NTRK2: variants seen among roughly 807,000 people sequenced by gnomAD.
NTRK2 encodes neurotrophic receptor tyrosine kinase 2.
A neutral mutation model predicts 94.5 loss-of-function variants in NTRK2; 13 were observed. The observed-to-expected ratio is 0.14, with a 90% confidence interval of 0.09 to 0.22. The LOEUF is 0.22. Ranked by LOEUF, NTRK2 falls within the 10% of genes least tolerant of loss-of-function variation. The pLI, the probability that NTRK2 is intolerant of heterozygous loss-of-function variation, is 1.00. For synonymous variants in NTRK2, 372 were observed against 407.4 expected (o/e 0.91, Z 1.05); for missense variants, 639 against 1,071.2 (o/e 0.60, Z 5.63).
chr9:84,816,374 C>T (rs1382084362), intron 12 of NTRK2, among the ~76,000 whole-genome samples: 4 of 152,050 alleles, frequency 2.6e-5, no homozygotes, highest in African/African-American at 9.7e-5. Context: ...GCCTGCCATT[C>T]CCTTCTGTTG....
intron 2 of NTRK2, among the ~76,000 whole-genome samples, chr9:84,683,790 A>G (rs537195642): frequency 3.9e-5 from 6 of 152,288 alleles, no homozygotes; most frequent in African/African-American, 1.2e-4. Context: ...GGTTGAACTA[A>G]TTTACACTCG....
intron 17 of NTRK2, among the ~76,000 whole-genome samples, chr9:84,995,334 G>A (rs368764003): frequency 2.6e-5 from 4 of 152,080 alleles, no homozygotes; most frequent in African/African-American, 7.2e-5. Flanking sequence ...AGAATTTAAG[G>A]GAAAAAACAC....
rs1176159048 is a variant in NTRK2, at chr9:85,023,816, A to C, written c.*2379A>C. Reference sequence around the variant, plus strand: ...AACCAACACAGGTTTGTCACGCTGCATGTCTGGCCAGCTAATCTCGGGGGA... The same window carrying C: ...AACCAACACAGGTTTGTCACGCTGCCTGTCTGGCCAGCTAATCTCGGGGGA... On this transcript the variant is annotated 3_prime_UTR_variant, in exon 19 of 19. Transcript: ENST00000277120. 1.3e-5 allele frequency: 3 copies of C among 229,552 alleles called. No homozygotes were observed. Among genetic ancestry groups the C allele is most frequent in the Non-Finnish European group, 2.6e-5 (3 of 115,908 alleles). The allele number at this position is 229,552 out of a possible 1,614,324, so 14.2% of individuals were successfully genotyped here. A position where few individuals can be genotyped will look rare whatever the true frequency, so the allele number is the denominator to read the frequency against.
At chr9:84,915,391 A>C (rs1192179852) in intron 14 of NTRK2, among the ~76,000 whole-genome samples, 1 of 152,136 alleles carries the variant, frequency 6.6e-6, no homozygotes, top group Admixed American at 6.5e-5. Context: ...TTCTTGAGAG[A>C]ATCAGTTCTC....
At chr9:84,894,316 C>A (rs1488376084) in intron 14 of NTRK2, among the ~76,000 whole-genome samples, 1 of 152,186 alleles carries the variant, frequency 6.6e-6, no homozygotes. Context: ...TTCGTATAAG[C>A]AGACTAGCAG....
intron 12 of NTRK2, among the ~76,000 whole-genome samples, chr9:84,756,764 C>A (rs1236898207): frequency 6.6e-6 from 1 of 152,176 alleles, no homozygotes; most frequent in Non-Finnish European, 1.5e-5. Flanking sequence ...TATCCACATT[C>A]ATTTGTCCTA....
At chr9:84,965,893 A>G (rs1382280146) in intron 17 of NTRK2, among the ~76,000 whole-genome samples, 1 of 152,204 alleles carries the variant, frequency 6.6e-6, no homozygotes, top group East Asian at 1.9e-4. Context: ...TACCTAGTCT[A>G]TATGTCTATG....
At chr9:84,813,229 C>T (rs2072011181) in intron 12 of NTRK2, 43 of 1,052,134 alleles carry the variant, frequency 4.1e-5, no homozygotes, top group Non-Finnish European at 4.8e-5. Context: ...CGATGCCTGC[C>T]CTTCCAGAGG....
intron 12 of NTRK2, among the ~76,000 whole-genome samples, chr9:84,848,345 A>G (rs2074574907): frequency 6.6e-6 from 1 of 152,164 alleles, no homozygotes; most frequent in Non-Finnish European, 1.5e-5. Flanking sequence ...TTTAGGTGTG[A>G]TTTTATCCAC....
intron 12 of NTRK2, among the ~76,000 whole-genome samples, chr9:84,818,316 G>A (rs2072555306): frequency 6.6e-6 from 1 of 152,198 alleles, no homozygotes; most frequent in Non-Finnish European, 1.5e-5. Context: ...GGTGTCTAGG[G>A]CACAATTTGA....
At chr9:84,812,261 A>C (rs1284627636) in intron 12 of NTRK2, 1 of 1,056,556 alleles carries the variant, frequency 9.5e-7, no homozygotes, top group East Asian at 5.3e-5. Context: ...CATCCTTTAC[A>C]TTAGCCACTA....
At position 84,752,024 on chromosome 9, in the gene NTRK2, T is replaced by A; in HGVS notation, c.1335T>A (p.Phe445Leu). 2 of 1,614,112 alleles carry A rather than the reference T, an allele frequency of 1.2e-6. No homozygotes were observed. Among genetic ancestry groups the A allele is most frequent in the Non-Finnish European group, 1.7e-6 (2 of 1,179,978 alleles). The change falls in exon 12 of 19, where the codon TTT becomes TTA. Residue 445 changes from phenylalanine (F) to leucine (L), a missense_variant. By Grantham distance (22) the Phe-to-Leu change is conservative. This residue lies in a region of NTRK2 where 343 missense variants were observed against 571.5 expected (regional missense o/e 0.60). Transcript: ENST00000277120. ...AVVVIASVVG[F>L]CLLVMLFLLK... is the part of the protein sequence containing the mutation. The stretch of plus-strand genomic sequence containing the variant: ...TGGTGATTGCGTCTGTGGTGGGATT[T>A]TGCCTTTTGGTAATGCTGTTTCTGC...
intron 12 of NTRK2, 113 bp downstream of exon 12, chr9:84,752,198 G>T: frequency 1.2e-6 from 1 of 854,628 alleles, no homozygotes. Context: ...TAGGTTTTAA[G>T]GCTAAAAAAA....
At chr9:84,875,100 T>C (rs1587784508) in intron 14 of NTRK2, 1 of 1,060,600 alleles carries the variant, frequency 9.4e-7, no homozygotes, top group East Asian at 5.1e-5. Flanking sequence ...TTTGGATATA[T>C]GGCTTTCTAG....
chr9:84,783,908 G>A (rs939649354), intron 12 of NTRK2, among the ~76,000 whole-genome samples: 2 of 152,130 alleles, frequency 1.3e-5, no homozygotes, highest in Non-Finnish European at 2.9e-5. Context: ...CTAATTAAGT[G>A]TATGCTATAG....
chr9:84,680,033 A>G (rs2059298223), intron 2 of NTRK2, among the ~76,000 whole-genome samples: 1 of 150,980 alleles, frequency 6.6e-6, no homozygotes, highest in African/African-American at 2.4e-5. Flanking sequence ...GTTTTCTGTG[A>G]CCCCCAAGAG....
intron 16 of NTRK2, among the ~76,000 whole-genome samples, chr9:84,949,968 T>C (rs1246769250): frequency 6.6e-6 from 1 of 152,216 alleles, no homozygotes. Context: ...GAGACCATGC[T>C]GCGTGATGAT....
At chr9:84,823,287 A>G (rs1253372446) in intron 12 of NTRK2, among the ~76,000 whole-genome samples, 1 of 152,216 alleles carries the variant, frequency 6.6e-6, no homozygotes, top group Non-Finnish European at 1.5e-5. Context: ...TGTGTTCCCC[A>G]TCAAACAAAT....
Position 85,023,125 on chromosome 9 carries a change from A to C in NTRK2, c.*1688A>C. The C allele has an allele frequency of 4.3e-6, 1 of 233,012 alleles. No individual in the cohort carries two copies. The highest frequency in any genetic ancestry group is 8.5e-6 in the Non-Finnish European group (1 of 117,872). 14.4% of individuals were successfully genotyped at this position (233,012 alleles called of 1,614,324 possible). A position where few individuals can be genotyped will look rare whatever the true frequency, so the allele number is the denominator to read the frequency against. ...TGGAAGTGTGCTTCTAGGCATAGTC[A>C]TTGGTTTTGCAAAAAGAGGGCTCAA... On this transcript the variant is annotated 3_prime_UTR_variant, in exon 19 of 19. Transcript: ENST00000277120.
Sources: allele counts gnomAD v4.1 joint callset (sites outside exome capture counted in the v4.1 genomes callset), GRCh38; gene constraint gnomAD v4.1.1; regional missense constraint gnomAD v4.1.1; transcripts MANE v1.5; gene names NCBI Gene and HGNC (gene_info 2026-07-23, HGNC 2026-07-21).